The following GCNT1 variants were observed in gnomAD, a reference collection of about 807,000 sequenced individuals.
GCNT1 encodes glucosaminyl (N-acetyl) transferase 1, also known as beta-1,3-galactosyl-O-glycosyl-glycoprotein beta-1,6-N-acetylglucosaminyltransferase.
A neutral mutation model predicts 26.2 loss-of-function variants in GCNT1; 16 were observed. That is an observed-to-expected ratio of 0.61 (90% CI 0.41 to 0.93). The LOEUF is 0.93. Among genes scored for constraint, GCNT1 ranks in the 40% least tolerant of loss-of-function variants. The pLI, the probability that GCNT1 is intolerant of heterozygous loss-of-function variation, is 0.00. For missense variants in GCNT1, 477 were observed against 526.7 expected, an observed-to-expected ratio of 0.91 and a Z score of 0.92; for synonymous variants, 183 against 190.8, an observed-to-expected ratio of 0.96 and a Z score of 0.34.
intron 1 of GCNT1, among the ~76,000 whole-genome samples, chr9:76,452,132 C>G (rs1823678232): frequency 6.6e-6 from 1 of 152,056 alleles, no homozygotes; most frequent in African/African-American, 2.4e-5. Flanking sequence ...CCACATCCAG[C>G]TAATTTTTGT....
chr9:76,475,762 T>G (rs1824241018), intron 2 of GCNT1, among the ~76,000 whole-genome samples: 1 of 152,188 alleles, frequency 6.6e-6, no homozygotes, highest in Non-Finnish European at 1.5e-5. Flanking sequence ...ACTTTACAGA[T>G]TACTTAAACA....
At chr9:76,434,670 C>T (rs1302301764) in intron 1 of GCNT1, among the ~76,000 whole-genome samples, 1 of 152,168 alleles carries the variant, frequency 6.6e-6, no homozygotes, top group Non-Finnish European at 1.5e-5. Context: ...CAAGGGAAGA[C>T]AACCATAAGG....
chr9:76,470,667 G>A (rs1386406206), intron 2 of GCNT1, among the ~76,000 whole-genome samples: 3 of 148,726 alleles, frequency 2.0e-5, no homozygotes, highest in Non-Finnish European at 4.4e-5. Context: ...TACATGTCTT[G>A]TTTCTCTTGA....
chr9:76,503,593 G>A lies in GCNT1; in HGVS notation c.1212G>A (p.Val404=). Residue 404 remains valine (V), a synonymous_variant, in exon 4 of 4, where the codon GTG becomes GTA. Coordinates refer to ENST00000376730, the MANE Select transcript of GCNT1 (RefSeq NM_001490.5). ...KHHLFANKFD[V]DVDLFAIQCL... Reference sequence around the variant, plus strand: ...ACTTGTTTGCCAATAAGTTTGACGTGGATGTTGACCTCTTTGCCATCCAGT... The same window carrying A: ...ACTTGTTTGCCAATAAGTTTGACGTAGATGTTGACCTCTTTGCCATCCAGT... 1 of 1,614,140 alleles carries A rather than the reference G, an allele frequency of 6.2e-7. No individual in the cohort carries two copies. The highest frequency in any genetic ancestry group is 8.5e-7 in the Non-Finnish European group (1 of 1,180,022).
intron 2 of GCNT1, among the ~76,000 whole-genome samples, chr9:76,499,983 G>T (rs918263391): frequency 4.6e-5 from 7 of 151,950 alleles, no homozygotes; most frequent in Non-Finnish European, 8.8e-5. Context: ...CTTTCTTTCA[G>T]TTATTTAGTT....
At chr9:76,427,023 A>G (rs2131574384) in intron 1 of GCNT1, among the ~76,000 whole-genome samples, 1 of 152,314 alleles carries the variant, frequency 6.6e-6, no homozygotes, top group African/African-American at 2.4e-5. Flanking sequence ...TGACTGTGTT[A>G]GTTAAAATGA....
chr9:76,443,195 G>T (rs1823507685), intron 1 of GCNT1, among the ~76,000 whole-genome samples: 1 of 152,120 alleles, frequency 6.6e-6, no homozygotes, highest in South Asian at 2.1e-4. Context: ...AACCCCGTCT[G>T]TGAAGACCAG....
chr9:76,491,921 C>G (rs1469198179), intron 2 of GCNT1, among the ~76,000 whole-genome samples: 1 of 152,184 alleles, frequency 6.6e-6, no homozygotes, highest in Non-Finnish European at 1.5e-5. Flanking sequence ...ATGCCATTTA[C>G]ATCATGAGTA....
At chr9:76,454,614 T>C (rs752750167), upstream of GCNT1, among the ~76,000 whole-genome samples, 3 of 144,992 alleles carry the variant, frequency 2.1e-5, no homozygotes, top group Non-Finnish European at 3.0e-5. Context: ...AGGGGCTTGG[T>C]GGAGGTGATT....
At chr9:76,443,038 A>T (rs983256530) in intron 1 of GCNT1, among the ~76,000 whole-genome samples, 2 of 152,078 alleles carry the variant, frequency 1.3e-5, no homozygotes, top group African/African-American at 4.8e-5. Flanking sequence ...AGCAATGGAG[A>T]TGGGTAAAAG....
the GCNT1 span, among the ~76,000 whole-genome samples, chr9:76,401,405 A>T: frequency 2.0e-5 from 3 of 152,180 alleles, no homozygotes; most frequent in Admixed American, 2.0e-4. Flanking sequence ...AACTGGAACT[A>T]CAGGTGTACA....
At chr9:76,394,034 C>G in the GCNT1 span, 6 of 1,516,230 alleles carry the variant, frequency 4.0e-6, no homozygotes, top group Non-Finnish European at 4.5e-6. Context: ...CGGCTGCCGT[C>G]TCTCCCCGCT....
In GCNT1 at chr9:76,502,179, GTA is replaced by G. The variant is rs59104914; in HGVS notation, c.-143-36_-143-35del. Reference sequence around the variant, plus strand: ...AAACTCTCTCTCTCTCTCTCTCTCTGTATATATATATATATATATATATATTT... The same window carrying G: ...AAACTCTCTCTCTCTCTCTCTCTCTGTATATATATATATATATATATATTT... On this transcript the variant is annotated intron_variant, in intron 3 of 3. Transcript: ENST00000376730. 6.1e-3 allele frequency: 938 copies of G among 154,632 alleles called. 3 individuals are homozygous for G. The highest frequency in any genetic ancestry group is 0.016 in the East Asian group (90 of 5,736). 9.6% of individuals were successfully genotyped at this position (154,632 alleles called of 1,614,324 possible).
chr9:76,421,807 C>T (rs1344729984), intron 1 of GCNT1, among the ~76,000 whole-genome samples: 2 of 147,024 alleles, frequency 1.4e-5, no homozygotes. Context: ...AATTCTCCTT[C>T]CTCAGCCTCC....
At chr9:76,470,928 G>A (rs1017858855) in intron 2 of GCNT1, among the ~76,000 whole-genome samples, 1 of 152,154 alleles carries the variant, frequency 6.6e-6, no homozygotes, top group Non-Finnish European at 1.5e-5. Flanking sequence ...GGGCCCGCCA[G>A]GCTTGTTTGT....
chr9:76,502,318 A>G lies in GCNT1; in HGVS notation c.-64A>G, dbSNP rs980197509. ...CCTTCAAGGCCACGACGGAGGGAAA[A>G]TCATTGGTGCTTGGAGCATAGAAGA... On this transcript the variant is annotated 5_prime_UTR_variant, in exon 4 of 4. Transcript: ENST00000376730. The G allele has an allele frequency of 1.4e-5, 16 of 1,160,484 alleles. No individual in the cohort carries two copies. The African/African-American group carries it at 1.4e-4, about 10-fold the overall frequency. 71.9% of individuals were successfully genotyped at this position (1,160,484 alleles called of 1,614,324 possible).
chr9:76,414,038 T>C, the GCNT1 span, among the ~76,000 whole-genome samples: 1 of 152,240 alleles, frequency 6.6e-6, no homozygotes, highest in East Asian at 1.9e-4. Context: ...GTTTTTGATT[T>C]CTAATATTTG....
chr9:76,395,343 A>T, the GCNT1 span, among the ~76,000 whole-genome samples: 4 of 152,190 alleles, frequency 2.6e-5, no homozygotes, highest in Non-Finnish European at 5.9e-5. Context: ...TTTGCTCTAT[A>T]CATTTGTATA....
the GCNT1 span, among the ~76,000 whole-genome samples, chr9:76,409,856 G>T: frequency 5.1e-4 from 78 of 151,790 alleles, no homozygotes; most frequent in Admixed American, 3.3e-3. Context: ...TTAGATGACT[G>T]ATTTTAGATA....
Sources: allele counts gnomAD v4.1 joint callset (sites outside exome capture counted in the v4.1 genomes callset), GRCh38; gene constraint gnomAD v4.1.1; transcripts MANE v1.5; gene names NCBI Gene and HGNC (gene_info 2026-07-23, HGNC 2026-07-21).